The following TNS3 variants were observed in gnomAD, a reference collection of about 807,000 sequenced individuals.
TNS3 encodes tensin 3.
TNS3 carries 45 observed loss-of-function variants against 140.9 expected under a neutral mutation model. The ratio of observed to expected loss-of-function variants is 0.32; its 90% confidence interval spans 0.25 to 0.41. TNS3 has a LOEUF of 0.41. Among genes scored for constraint, TNS3 ranks in the 10% least tolerant of loss-of-function variants. TNS3 has a pLI of 1.00. For missense variants in TNS3, 1,716 were observed against 1,906.7 expected, an observed-to-expected ratio of 0.90 and a Z score of 1.86; for synonymous variants, 815 against 788.4, an observed-to-expected ratio of 1.03 and a Z score of -0.56.
intron 4 of TNS3, chr7:47,470,611 TC>T: frequency 1.0e-6 from 1 of 985,286 alleles, no homozygotes; most frequent in Non-Finnish European, 1.2e-6. Flanking sequence ...TAGGAAGAGA[TC>T]CCCAGCGCAG....
At chr7:47,511,769 C>T (rs1430979353) in intron 2 of TNS3, among the ~76,000 whole-genome samples, 1 of 152,146 alleles carries the variant, frequency 6.6e-6, no homozygotes, top group African/African-American at 2.4e-5. Flanking sequence ...GCTTCTGGAA[C>T]CTCCCCCTCT....
chr7:47,389,093 G>A (rs544229493), intron 16 of TNS3, among the ~76,000 whole-genome samples: 16 of 76,036 alleles, frequency 2.1e-4, no homozygotes, highest in African/African-American at 8.0e-4. Context: ...AGAGGAAGAG[G>A]AAGAGGAAGC....
At chr7:47,437,776 ACACACACACG>A (rs1401099363) in intron 6 of TNS3, among the ~76,000 whole-genome samples, 8 of 125,372 alleles carry the variant, frequency 6.4e-5, no homozygotes, top group Admixed American at 4.2e-4. Flanking sequence ...ACACACACAC[ACACACACACG>A]TATAAAATAT....
At chr7:47,379,993 C>G (rs1007493126) in intron 16 of TNS3, among the ~76,000 whole-genome samples, 1 of 152,266 alleles carries the variant, frequency 6.6e-6, no homozygotes, top group Non-Finnish European at 1.5e-5. Flanking sequence ...ACAGAAACGC[C>G]TGCCCAGCCA....
At chr7:47,317,647 T>C (rs1562587535) in intron 20 of TNS3, among the ~76,000 whole-genome samples, 1 of 152,184 alleles carries the variant, frequency 6.6e-6, no homozygotes, top group Non-Finnish European at 1.5e-5. Context: ...TGTAAAAAAA[T>C]GTGCTTTGGT....
intron 27 of TNS3, among the ~76,000 whole-genome samples, chr7:47,286,119 G>A (rs1244926114): frequency 6.6e-6 from 1 of 152,116 alleles, no homozygotes; most frequent in Non-Finnish European, 1.5e-5. Context: ...AGAAAAAAGG[G>A]AAAATTTTGA....
intron 2 of TNS3, among the ~76,000 whole-genome samples, chr7:47,514,709 T>C (rs987728043): frequency 6.6e-6 from 1 of 152,184 alleles, no homozygotes; most frequent in African/African-American, 2.4e-5. Context: ...GATTCCACTA[T>C]TAGATCCCAG....
intron 13 of TNS3, among the ~76,000 whole-genome samples, chr7:47,409,017 T>C (rs747631794): frequency 1.3e-5 from 2 of 151,164 alleles, no homozygotes; most frequent in African/African-American, 2.4e-5. Flanking sequence ...AGAGCAAGCA[T>C]AGCAACTCCA....
At chr7:47,422,490 A>G (rs1794424205) in intron 10 of TNS3, among the ~76,000 whole-genome samples, 1 of 152,090 alleles carries the variant, frequency 6.6e-6, no homozygotes. Flanking sequence ...ATGTGCGCCT[A>G]TAGTCTCAGC....
intron 4 of TNS3, among the ~76,000 whole-genome samples, chr7:47,451,686 C>T (rs1177973650): frequency 2.0e-5 from 3 of 152,224 alleles, no homozygotes; most frequent in African/African-American, 7.2e-5. Flanking sequence ...GCTGCCGGGC[C>T]ATGTGTGAGG....
intron 20 of TNS3, among the ~76,000 whole-genome samples, chr7:47,305,692 A>G (rs1786710896): frequency 6.6e-6 from 1 of 152,388 alleles, no homozygotes; most frequent in South Asian, 2.1e-4. Flanking sequence ...GCCTGAGCCC[A>G]GGCACATTCC....
chr7:47,428,139 C>T (rs974192419), intron 9 of TNS3, among the ~76,000 whole-genome samples, 173 bp downstream of exon 9: 8 of 152,086 alleles, frequency 5.3e-5, no homozygotes, highest in Non-Finnish European at 1.2e-4. Context: ...CAAGTGTAAA[C>T]GCTTAACTGG....
chr7:47,568,268 C>T (rs1219724260), intron 1 of TNS3, among the ~76,000 whole-genome samples: 1 of 152,170 alleles, frequency 6.6e-6, no homozygotes, highest in African/African-American at 2.4e-5. Context: ...GAGCAGGCCA[C>T]GGGATCGTCT....
In TNS3 at chr7:47,346,292, G is replaced by A. The variant is rs756376820; in HGVS notation, c.2346C>T (p.Asn782=). 12 of 1,614,078 alleles carry A rather than the reference G, an allele frequency of 7.4e-6. No individual in the cohort carries two copies. The highest frequency in any genetic ancestry group is 1.1e-5 in the South Asian group (1 of 91,090). The change falls in exon 18 of 31, where the codon AAC becomes AAT. Residue 782 remains asparagine, a synonymous_variant. Transcript: ENST00000311160. The part of the protein sequence containing the change: ...LRKLSLGQYD[N]DAGGQLPFSK... ...AGAAGGGCAGCTGCCCCCCAGCATC[G>A]TTGTCGTACTGCCCCAGGCTCAGCT...
At chr7:47,562,581 T>A (rs1800340007) in intron 1 of TNS3, among the ~76,000 whole-genome samples, 2 of 152,166 alleles carry the variant, frequency 1.3e-5, no homozygotes, top group Non-Finnish European at 2.9e-5. Context: ...AGATGAGGTT[T>A]CATCATATGG....
chr7:47,278,078 A>G lies in TNS3; in HGVS notation c.4336T>C (p.Ter1446ArgextTer58). ...GGTCCAGGGAGGGAGGGGAGTTCTC[A>G]GACCTTCTTTGGGGAACCAATCATG... ...KVMIGSPKKV[*>R] is the part of the protein sequence containing the mutation. The change falls in exon 31 of 31, where the codon TGA becomes CGA. Residue 1446 changes from the stop codon to arginine (R), a stop_lost. Transcript: ENST00000311160. 6.2e-7 allele frequency: 1 copy of G among 1,614,074 alleles called. No homozygotes were observed. Among genetic ancestry groups the G allele is most frequent in the Non-Finnish European group, 8.5e-7 (1 of 1,179,950 alleles).
intron 8 of TNS3, among the ~76,000 whole-genome samples, chr7:47,430,632 T>C (rs1195126723): frequency 6.6e-6 from 1 of 152,118 alleles, no homozygotes; most frequent in Non-Finnish European, 1.5e-5. Context: ...TCTTCTGAAG[T>C]GCACACAGAA....
chr7:47,319,378 C>A (rs894795072), intron 20 of TNS3, among the ~76,000 whole-genome samples: 3 of 149,428 alleles, frequency 2.0e-5, no homozygotes, highest in Admixed American at 6.7e-5. Flanking sequence ...GAGAGGAAGG[C>A]GAGAGAGAGA....
At chr7:47,341,817 T>C (rs887508630) in intron 20 of TNS3, among the ~76,000 whole-genome samples, 1 of 152,052 alleles carries the variant, frequency 6.6e-6, no homozygotes, top group African/African-American at 2.4e-5. Flanking sequence ...AAACTATTCA[T>C]TTCAGAATTT....
Sources: allele counts gnomAD v4.1 joint callset (sites outside exome capture counted in the v4.1 genomes callset), GRCh38; gene constraint gnomAD v4.1.1; transcripts MANE v1.5; gene names NCBI Gene and HGNC (gene_info 2026-07-23, HGNC 2026-07-21).